BCL2L14: variants seen among roughly 807,000 people sequenced by gnomAD.
BCL2L14 encodes apoptosis facilitator Bcl-2-like protein 14.
BCL2L14 carries 27 observed loss-of-function variants against 35.3 expected under a neutral mutation model. The observed-to-expected ratio is 0.76, with a 90% CI of 0.56 to 1.05. The LOEUF (loss-of-function observed/expected upper bound fraction) is 1.05, where lower values mean the gene tolerates loss of function less well. Ranked by LOEUF, BCL2L14 falls within the 50% of genes least tolerant of loss-of-function variation. The pLI is 0.00. For synonymous variants in BCL2L14, 139 were observed against 145.9 expected, an observed-to-expected ratio of 0.95 and a Z score of 0.34; for missense variants, 377 against 382.6, an observed-to-expected ratio of 0.99 and a Z score of 0.12.
chr12:12,085,097 A>G (rs1469216392), intron 2 of BCL2L14, among the ~76,000 whole-genome samples: 2 of 151,982 alleles, frequency 1.3e-5, no homozygotes, highest in African/African-American at 4.8e-5. Context: ...AAAAAAAAAA[A>G]AAAAAAAGTC....
chr12:12,079,203 A>G (rs1253676883), intron 1 of BCL2L14, 96 bp from the exon 2 acceptor site: 3 of 1,040,610 alleles, frequency 2.9e-6, no homozygotes, highest in Non-Finnish European at 4.3e-6. Flanking sequence ...TAGATGTTCA[A>G]TAAATGTTTC....
intron 4 of BCL2L14, chr12:12,094,366 C>G: frequency 1.4e-6 from 1 of 724,154 alleles, no homozygotes; most frequent in Non-Finnish European, 2.4e-6. Flanking sequence ...GGACCCGCAT[C>G]TCAGTCATCC....
intron 2 of BCL2L14, among the ~76,000 whole-genome samples, chr12:12,056,211 TCC>T (rs1948430751): frequency 4.2e-5 from 1 of 23,618 alleles, no homozygotes; most frequent in Admixed American, 6.2e-4. Flanking sequence ...ATTGCAGTGG[TCC>T]GTCCCTACAC....
rs2961552 is a variant in BCL2L14 at position 12,097,042 on chromosome 12, G to A, written c.946-1908G>A. Among the ~76,000 whole-genome samples the A allele has an allele frequency of 9.2e-5, 14 of 152,108 alleles. No homozygotes were observed. In the South Asian group the frequency reaches 2.7e-3, roughly 29 times the overall value. ...GCCTGTAGTCCCAGCTACTCAGGGG[G>A]GCTGAGGTAGGAGAATGGTGTAAAC... On this transcript the variant is annotated intron_variant, in intron 5 of 5. Transcript: ENST00000308721.
chr12:12,078,002 A>G, intron 1 of BCL2L14: 1 of 442,762 alleles, frequency 2.3e-6, no homozygotes. Flanking sequence ...AAGGAAATTG[A>G]ACAAAATCAG....
intron 1 of BCL2L14, among the ~76,000 whole-genome samples, chr12:12,074,906 G>A (rs1055980014): frequency 1.3e-5 from 2 of 152,222 alleles, no homozygotes; most frequent in African/African-American, 4.8e-5. Context: ...GCCTCCTAAG[G>A]TGGTGGGATT....
upstream of BCL2L14, among the ~76,000 whole-genome samples, chr12:12,066,079 C>A (rs1948590485): frequency 6.6e-6 from 1 of 152,200 alleles, no homozygotes. Flanking sequence ...GCGTGAGCCA[C>A]CGCACCTGGC....
At chr12:12,053,123 C>T (rs780473636) in intron 2 of BCL2L14, among the ~76,000 whole-genome samples, 1 of 152,186 alleles carries the variant, frequency 6.6e-6, no homozygotes, top group Non-Finnish European at 1.5e-5. Flanking sequence ...GAGCCAAACA[C>T]CTTTGGAAAC....
At chr12:12,079,262 T>A in intron 1 of BCL2L14, 37 bp from the exon 2 acceptor site, 1 of 1,563,586 alleles carries the variant, frequency 6.4e-7, no homozygotes, top group Non-Finnish European at 8.7e-7. Context: ...TAAGTGGCCC[T>A]GCATAGAAGG....
At chr12:12,069,794 A>T (rs188940988), upstream of BCL2L14, among the ~76,000 whole-genome samples, 2 of 152,190 alleles carry the variant, frequency 1.3e-5, no homozygotes, top group East Asian at 3.9e-4. Context: ...CATTGACCTC[A>T]CTGGTGCAAA....
rs112449891 is a variant in BCL2L14 at position 12,060,112 on chromosome 12, C to G, written c.-272+8265C>G. ...CAGGCCGAGCTAGGTCGCAATTCTT[C>G]CTCAGCCTCTGCTCCTCCACCCTAT... On this transcript the variant is annotated intron_variant, in intron 2 of 3. Coordinates refer to the BCL2L14 transcript ENST00000461264. 3.4e-3 allele frequency among the ~76,000 whole-genome samples: 515 copies of G among 151,582 alleles called. 3 individuals carry two copies. Among genetic ancestry groups the G allele is most frequent in the Middle Eastern group, 0.01 (3 of 294 alleles).
intron 2 of BCL2L14, among the ~76,000 whole-genome samples, chr12:12,062,495 A>G (rs1437722397): frequency 6.6e-6 from 1 of 151,508 alleles, no homozygotes; most frequent in Non-Finnish European, 1.5e-5. Flanking sequence ...CCTCAAGGAA[A>G]TAACTTCTCA....
At chr12:12,069,581 G>T (rs928500628), upstream of BCL2L14, among the ~76,000 whole-genome samples, 8 of 151,522 alleles carry the variant, frequency 5.3e-5, no homozygotes, top group African/African-American at 1.9e-4. Flanking sequence ...GGTGGCGGGC[G>T]CCTGTAGTCC....
Position 12,079,404 on chromosome 12 carries a change from TC to T in BCL2L14, c.100del (p.His34MetfsTer15). On this transcript the variant is annotated frameshift_variant, in exon 2 of 6. Coordinates refer to ENST00000308721, the MANE Select transcript of BCL2L14 (RefSeq NM_138723.2). LOFTEE classifies it high-confidence loss of function. ...AAATCCTCGCCTACTACACCAGACATCATGTCTTCAAGAGCACCCCTGCTCT... is the reference window on the plus strand; with the variant it reads ...AAATCCTCGCCTACTACACCAGACATATGTCTTCAAGAGCACCCCTGCTCT... ...FKILAYYTRH[H>X]VFKSTPALFS... The T allele has an allele frequency of 2.5e-6, 4 of 1,614,136 alleles. No individual in the cohort carries two copies. The highest frequency in any genetic ancestry group is 3.4e-6 in the Non-Finnish European group (4 of 1,180,008).
intron 2 of BCL2L14, among the ~76,000 whole-genome samples, chr12:12,064,824 G>C (rs1263003157): frequency 6.6e-6 from 1 of 152,194 alleles, no homozygotes; most frequent in Non-Finnish European, 1.5e-5. Flanking sequence ...AGTCTTCCAT[G>C]GAAGTCATGG....
chr12:12,064,491 C>T (rs923324996), intron 2 of BCL2L14, among the ~76,000 whole-genome samples: 10 of 152,102 alleles, frequency 6.6e-5, no homozygotes, highest in South Asian at 4.1e-4. Context: ...GTCGTGCCTA[C>T]TACACAGCTG....
At chr12:12,065,894 C>A (rs933644498) in intron 2 of BCL2L14, among the ~76,000 whole-genome samples, 2 of 151,848 alleles carry the variant, frequency 1.3e-5, no homozygotes, top group African/African-American at 4.8e-5. Flanking sequence ...CAGGTTCAAG[C>A]GTTCTCCTGC....
chr12:12,084,043 A>G (rs943909185), intron 2 of BCL2L14, among the ~76,000 whole-genome samples: 4 of 152,172 alleles, frequency 2.6e-5, no homozygotes, highest in African/African-American at 9.7e-5. Context: ...TCATGTCTAC[A>G]TCTCAGGCAA....
At chr12:12,088,011 A>T (rs1335209931) in intron 3 of BCL2L14, among the ~76,000 whole-genome samples, 1 of 152,144 alleles carries the variant, frequency 6.6e-6, no homozygotes, top group Non-Finnish European at 1.5e-5. Context: ...CCCCCACCAC[A>T]GTTCTTGCTC....
Sources: allele counts gnomAD v4.1 joint callset (sites outside exome capture counted in the v4.1 genomes callset), GRCh38; gene constraint gnomAD v4.1.1; transcripts MANE v1.5; gene names NCBI Gene and HGNC (gene_info 2026-07-23, HGNC 2026-07-21).